Variants in CNTN4 observed in about 807,000 individuals in gnomAD.
CNTN4 encodes contactin-4.
Under a neutral mutation model 122.5 loss-of-function variants are expected in CNTN4, and 77 were observed. That is an observed-to-expected ratio of 0.63 (90% CI 0.52 to 0.76). The LOEUF is 0.76. Among genes scored for constraint, CNTN4 ranks in the 30% least tolerant of loss-of-function variants. The probability of loss-of-function intolerance (pLI) is 0.00; values close to 1 mark genes in which losing one functional copy is unlikely to be tolerated. For missense variants in CNTN4, 1,256 were observed against 1,259.1 expected, an observed-to-expected ratio of 1.00 and a Z score of 0.04; for synonymous variants, 512 against 447.0, an observed-to-expected ratio of 1.15 and a Z score of -1.83.
chr3:2,173,041 C>T (rs918152486), intron 2 of CNTN4, among the ~76,000 whole-genome samples: 1 of 152,158 alleles, frequency 6.6e-6, no homozygotes, highest in African/African-American at 2.4e-5. Context: ...AGTCATCACA[C>T]AGAAGATTGG....
At chr3:3,039,963 A>T in intron 19 of CNTN4, 74 bp from the exon 20 acceptor site, 1 of 1,009,870 alleles carries the variant, frequency 9.9e-7, no homozygotes, top group Non-Finnish European at 1.6e-6. Context: ...GAATGTTACA[A>T]GGGAAACAAA....
At chr3:2,149,702 T>G (rs950333706) in intron 2 of CNTN4, among the ~76,000 whole-genome samples, 2 of 152,236 alleles carry the variant, frequency 1.3e-5, no homozygotes, top group African/African-American at 4.8e-5. Flanking sequence ...TGTTTACATT[T>G]ATATAATTTG....
At chr3:2,238,025 G>A (rs916394278) in intron 2 of CNTN4, among the ~76,000 whole-genome samples, 5 of 151,596 alleles carry the variant, frequency 3.3e-5, no homozygotes, top group Non-Finnish European at 5.9e-5. Flanking sequence ...CCATTGAGAC[G>A]TTTTTATAAA....
At chr3:2,727,092 G>T (rs1305873558) in intron 4 of CNTN4, among the ~76,000 whole-genome samples, 1 of 152,194 alleles carries the variant, frequency 6.6e-6, no homozygotes, top group Non-Finnish European at 1.5e-5. Context: ...TTTGCACACG[G>T]TTATGTCGCC....
At chr3:2,354,397 G>A (rs894639381) in intron 3 of CNTN4, among the ~76,000 whole-genome samples, 5 of 152,226 alleles carry the variant, frequency 3.3e-5, no homozygotes, top group Admixed American at 6.5e-5. Flanking sequence ...CAGGTGTGGT[G>A]GCAGGTGCCT....
rs568337841 is a variant in CNTN4 at position 2,372,051 on chromosome 3, A to G, written c.-89+32818A>G. Among the ~76,000 whole-genome samples the G allele has an allele frequency of 3.3e-5, 5 of 152,356 alleles. No homozygotes were observed. In the East Asian group the frequency reaches 5.8e-4, roughly 18 times the overall value. The stretch of plus-strand genomic sequence containing the variant: ...TAAATAAACAATCATCATATTTTTC[A>G]TATAAATGATGATATAAGCTCTGGT... On this transcript the variant is annotated intron_variant, in intron 3 of 24. Coordinates refer to ENST00000418658, the MANE Select transcript of CNTN4 (RefSeq NM_175607.3).
chr3:2,900,687 C>T lies in CNTN4; in HGVS notation c.943C>T (p.Gln315Ter). 6.2e-7 allele frequency: 1 copy of T among 1,613,540 alleles called. No individual in the cohort carries two copies. The highest frequency in any genetic ancestry group is 8.5e-7 in the Non-Finnish European group (1 of 1,179,602). The part of the protein sequence containing the change: ...VARGQLTFYA[Q>*]PNWIQKINDI... The stretch of plus-strand genomic sequence containing the variant: ...CTTTGCTTTTTGGATGCCTATAGCT[C>T]AACCTAATTGGATTCAAAAAATAAA... The change falls in exon 11 of 25, where the codon CAA becomes TAA. Residue 315 changes from glutamine to a stop codon, truncating the protein, a stop_gained and splice_region_variant. Coordinates refer to ENST00000418658, the MANE Select transcript of CNTN4 (RefSeq NM_175607.3). LOFTEE classifies it high-confidence loss of function.
intron 2 of CNTN4, among the ~76,000 whole-genome samples, chr3:2,230,658 AAT>A (rs536530155): frequency 5.3e-5 from 8 of 152,164 alleles, no homozygotes; most frequent in Admixed American, 1.3e-4. Flanking sequence ...TGTCATGAAT[AAT>A]AATGTTATGT....
chr3:2,462,235 T>TTAG (rs1192748806), intron 3 of CNTN4, among the ~76,000 whole-genome samples: 1 of 152,210 alleles, frequency 6.6e-6, no homozygotes, highest in Non-Finnish European at 1.5e-5. Context: ...GTGTCCATGC[T>TTAG]TAGTTTAGTG....
chr3:2,652,472 G>C (rs978302787), intron 4 of CNTN4, among the ~76,000 whole-genome samples: 1 of 152,188 alleles, frequency 6.6e-6, no homozygotes. Flanking sequence ...GATAATGAAA[G>C]GGGACTGCTG....
intron 4 of CNTN4, among the ~76,000 whole-genome samples, chr3:2,636,340 A>G (rs2082656937): frequency 6.6e-6 from 1 of 152,228 alleles, no homozygotes; most frequent in Non-Finnish European, 1.5e-5. Flanking sequence ...ACTATTGAGG[A>G]ACACTAATTA....
chr3:2,765,624 T>A (rs563958832), intron 6 of CNTN4, among the ~76,000 whole-genome samples: 1 of 152,324 alleles, frequency 6.6e-6, no homozygotes, highest in African/African-American at 2.4e-5. Context: ...TATAATTAGA[T>A]ATTTTATATG....
intron 12 of CNTN4, among the ~76,000 whole-genome samples, chr3:2,917,288 A>C (rs1284934915): frequency 6.6e-6 from 1 of 151,938 alleles, no homozygotes; most frequent in Non-Finnish European, 1.5e-5. Flanking sequence ...AGACCGTGGA[A>C]AGCGGGAGGC....
rs76180523 is a variant in CNTN4, at chr3:2,796,010, A to C, written c.359-23476A>C. Among the ~76,000 whole-genome samples the C allele has an allele frequency of 8.5e-3, 1,294 of 152,286 alleles. 18 individuals are homozygous for C. Among genetic ancestry groups the C allele is most frequent in the African/African-American group, 0.03 (1,252 of 41,562 alleles). On this transcript the variant is annotated intron_variant, in intron 6 of 24. Transcript: ENST00000418658. ...AGATGTCTAGTTTATTAATCACAGA[A>C]ATATCTGGAGAAAAGAACAGGATTT...
At chr3:2,198,700 G>T (rs910972380) in intron 2 of CNTN4, among the ~76,000 whole-genome samples, 1 of 152,012 alleles carries the variant, frequency 6.6e-6, no homozygotes, top group Non-Finnish European at 1.5e-5. Context: ...GAATATACTC[G>T]AGACTTAATC....
intron 14 of CNTN4, among the ~76,000 whole-genome samples, chr3:3,012,761 GA>G (rs1697361561): frequency 6.6e-6 from 1 of 152,096 alleles, no homozygotes; most frequent in Admixed American, 6.5e-5. Flanking sequence ...CTGAGGTCAG[GA>G]GTTTGAGATC....
chr3:2,975,422 C>CTCTGGATT (rs1243668818), intron 13 of CNTN4, among the ~76,000 whole-genome samples: 1 of 152,128 alleles, frequency 6.6e-6, no homozygotes, highest in Non-Finnish European at 1.5e-5. Context: ...TAATTTACTC[C>CTCTGGATT]TCTGGATTTC....
At chr3:2,527,945 T>C (rs907645479) in intron 3 of CNTN4, among the ~76,000 whole-genome samples, 13 of 152,180 alleles carry the variant, frequency 8.5e-5, no homozygotes, top group African/African-American at 3.1e-4. Context: ...TATATGTCCC[T>C]TCCCGATGTC....
At chr3:2,729,360 T>G (rs7644899) in intron 4 of CNTN4, among the ~76,000 whole-genome samples, 127 of 150,222 alleles carry the variant, frequency 8.5e-4, no homozygotes, top group Middle Eastern at 3.4e-3. Flanking sequence ...GTCAGGAGAT[T>G]GAGACCATCC....
Sources: gnomAD v4.1 joint callset for allele counts (sites outside exome capture counted in the v4.1 genomes callset) on GRCh38, gnomAD v4.1.1 for gene constraint, MANE v1.5 for transcripts, NCBI Gene and HGNC (gene_info 2026-07-23, HGNC 2026-07-21) for gene names.